HS3ST4: variants seen among roughly 807,000 people sequenced by gnomAD.
The protein encoded by HS3ST4 is heparan sulfate-glucosamine 3-sulfotransferase 4.
A neutral mutation model predicts 29.2 loss-of-function variants in HS3ST4; 17 were observed. That is an observed-to-expected ratio of 0.58 (90% CI 0.40 to 0.87). HS3ST4 has a LOEUF of 0.87. Among genes scored for constraint, HS3ST4 ranks in the 40% least tolerant of loss-of-function variants. The pLI, the probability that HS3ST4 is intolerant of heterozygous loss-of-function variation, is 0.00. For missense variants in HS3ST4, 627 were observed against 634.5 expected, an observed-to-expected ratio of 0.99 and a Z score of 0.13; for synonymous variants, 314 against 285.7, an observed-to-expected ratio of 1.10 and a Z score of -1.00.
intron 1 of HS3ST4, among the ~76,000 whole-genome samples, chr16:25,848,382 C>G (rs1253490797): frequency 2.6e-5 from 4 of 152,052 alleles, no homozygotes; most frequent in Non-Finnish European, 4.4e-5. Context: ...TCAAATGATC[C>G]GTCCGCCTCA....
chr16:25,871,959 A>G (rs1967758655), intron 1 of HS3ST4, among the ~76,000 whole-genome samples: 1 of 152,022 alleles, frequency 6.6e-6, no homozygotes, highest in African/African-American at 2.4e-5. Flanking sequence ...TCAAAGTGTA[A>G]TGGTGATGGA....
At chr16:26,101,133 TG>T (rs1164706692) in intron 1 of HS3ST4, among the ~76,000 whole-genome samples, 1 of 152,206 alleles carries the variant, frequency 6.6e-6, no homozygotes, top group East Asian at 1.9e-4. Context: ...GCAGAACCTC[TG>T]GTCCAAGTTA....
chr16:25,917,093 G>C (rs4787786), intron 1 of HS3ST4, among the ~76,000 whole-genome samples: 26,482 of 152,126 alleles, frequency 0.17, 3,328 homozygotes, highest in East Asian at 0.66. Flanking sequence ...TAAAAAAGAA[G>C]TAACAATTTC....
At chr16:25,954,602 A>G (rs1968710902) in intron 1 of HS3ST4, among the ~76,000 whole-genome samples, 1 of 152,236 alleles carries the variant, frequency 6.6e-6, no homozygotes, top group Non-Finnish European at 1.5e-5. Context: ...GTGAAAATTT[A>G]GAAATCTTAT....
chr16:25,880,436 G>A (rs1348459725), intron 1 of HS3ST4, among the ~76,000 whole-genome samples: 1 of 152,138 alleles, frequency 6.6e-6, no homozygotes, highest in Admixed American at 6.5e-5. Context: ...ACTTGATTTA[G>A]GGTTGTTTTA....
intron 1 of HS3ST4, among the ~76,000 whole-genome samples, chr16:25,953,149 C>T (rs1968697587): frequency 6.6e-6 from 1 of 152,160 alleles, no homozygotes; most frequent in African/African-American, 2.4e-5. Context: ...TGGCTTGTCT[C>T]CCAGGATTGG....
chr16:25,978,942 G>GTTT (rs34078514), intron 1 of HS3ST4, among the ~76,000 whole-genome samples: 81,168 of 132,024 alleles, frequency 0.61, 26,484 homozygotes, highest in Non-Finnish European at 0.68. Flanking sequence ...TTCTCTTTTT[G>GTTT]TTTTTTTTTT....
At chr16:25,712,526 A>G (rs1376485133) in intron 1 of HS3ST4, among the ~76,000 whole-genome samples, 1 of 152,166 alleles carries the variant, frequency 6.6e-6, no homozygotes, top group Non-Finnish European at 1.5e-5. Context: ...GTATCTATAA[A>G]AAAATAAAAA....
intron 1 of HS3ST4, among the ~76,000 whole-genome samples, chr16:26,094,596 C>T (rs913765034): frequency 6.6e-6 from 1 of 152,172 alleles, no homozygotes; most frequent in African/African-American, 2.4e-5. Flanking sequence ...GCCTGCTTTA[C>T]AAGAGCTCCT....
intron 1 of HS3ST4, among the ~76,000 whole-genome samples, chr16:25,754,399 C>T (rs1372774941): frequency 6.6e-6 from 1 of 151,728 alleles, no homozygotes; most frequent in Non-Finnish European, 1.5e-5. Context: ...CATCCACCCA[C>T]CCACGTGTCT....
In HS3ST4 at chr16:26,127,629, G is replaced by A. The variant is rs185434925; in HGVS notation, c.735-7983G>A. On this transcript the variant is annotated intron_variant, in intron 1 of 1. Coordinates refer to ENST00000331351, the MANE Select transcript of HS3ST4 (RefSeq NM_006040.3). The stretch of plus-strand genomic sequence containing the variant: ...GGGTTAAGGAGCATTGGCTCTGCTG[G>A]GTTTCAGATCCTGACTCTGCCACAT... Among the ~76,000 whole-genome samples, 175 of 152,236 alleles carry A rather than the reference G, an allele frequency of 1.1e-3. 1 individual carries two copies. The highest frequency in any genetic ancestry group is 4.8e-3 in the Admixed American group (74 of 15,290).
At position 25,981,218 on chromosome 16, in the gene HS3ST4, G is replaced by A. The variant is rs1205585632; in HGVS notation, c.735-154394G>A. Among the ~76,000 whole-genome samples, 7 of 152,006 alleles carry A rather than the reference G, an allele frequency of 4.6e-5. 1 individual carries two copies. Among genetic ancestry groups the A allele is most frequent in the Non-Finnish European group, 5.9e-5 (4 of 68,008 alleles). Reference sequence around the variant, plus strand: ...ACAAAAATACAAAAATTAGCCAGGCGTGGTGACGCTTGCCTGTAATCTCAC... The same window carrying A: ...ACAAAAATACAAAAATTAGCCAGGCATGGTGACGCTTGCCTGTAATCTCAC... On this transcript the variant is annotated intron_variant, in intron 1 of 1. Coordinates refer to ENST00000331351, the MANE Select transcript of HS3ST4 (RefSeq NM_006040.3).
At chr16:25,778,762 AAGAAGG>A (rs904856910) in intron 1 of HS3ST4, among the ~76,000 whole-genome samples, 14 of 152,028 alleles carry the variant, frequency 9.2e-5, no homozygotes, top group East Asian at 3.9e-4. Flanking sequence ...GGAGGAGGAG[AAGAAGG>A]AGAAGGAGAA....
At chr16:25,835,447 CTG>C (rs1967346961) in intron 1 of HS3ST4, among the ~76,000 whole-genome samples, 1 of 151,882 alleles carries the variant, frequency 6.6e-6, no homozygotes, top group South Asian at 2.1e-4. Flanking sequence ...GAAAATAACT[CTG>C]TGAGTGAGTG....
chr16:25,798,138 G>A (rs1176784909), intron 1 of HS3ST4, among the ~76,000 whole-genome samples: 1 of 152,166 alleles, frequency 6.6e-6, no homozygotes, highest in African/African-American at 2.4e-5. Context: ...CACTTCCAAG[G>A]AGAAAGATGC....
At chr16:25,945,929 T>C (rs1370994105) in intron 1 of HS3ST4, among the ~76,000 whole-genome samples, 1 of 152,212 alleles carries the variant, frequency 6.6e-6, no homozygotes, top group African/African-American at 2.4e-5. Flanking sequence ...TAGATTCCCT[T>C]TTTTCCCTAG....
intron 1 of HS3ST4, among the ~76,000 whole-genome samples, chr16:25,783,893 CAGAT>C (rs1249246615): frequency 6.6e-6 from 1 of 151,398 alleles, no homozygotes; most frequent in Non-Finnish European, 1.5e-5. Context: ...GTGCAATTTG[CAGAT>C]ACTGTGTTTT....
At chr16:25,899,642 A>C (rs1968103404) in intron 1 of HS3ST4, among the ~76,000 whole-genome samples, 1 of 150,518 alleles carries the variant, frequency 6.6e-6, no homozygotes, top group South Asian at 2.1e-4. Context: ...AGTAGCTGGG[A>C]TTACAGGCGC....
chr16:25,914,164 G>A (rs1968268738), intron 1 of HS3ST4, among the ~76,000 whole-genome samples: 1 of 148,250 alleles, frequency 6.7e-6, no homozygotes, highest in African/African-American at 2.5e-5. Flanking sequence ...TGTGTATGTG[G>A]GGTGGTGTGG....
Sources: gnomAD v4.1 joint callset for allele counts (sites outside exome capture counted in the v4.1 genomes callset) on GRCh38, gnomAD v4.1.1 for gene constraint, MANE v1.5 for transcripts, NCBI Gene and HGNC (gene_info 2026-07-23, HGNC 2026-07-21) for gene names.